The following FOLH1 variants were observed in gnomAD, a reference collection of about 807,000 sequenced individuals.
The protein encoded by FOLH1 is folate hydrolase 1.
FOLH1 carries 54 observed loss-of-function variants against 93.9 expected under a neutral mutation model. That is an observed-to-expected ratio of 0.57 (90% CI 0.46 to 0.72). FOLH1 has a LOEUF of 0.72. Ranked by LOEUF, FOLH1 falls within the 30% of genes least tolerant of loss-of-function variation. FOLH1 has a pLI of 0.00. For missense variants in FOLH1, 571 were observed against 892.5 expected, an observed-to-expected ratio of 0.64 and a Z score of 4.59; for synonymous variants, 249 against 303.6, an observed-to-expected ratio of 0.82 and a Z score of 1.87.
chr11:49,156,901 A>G (rs546724540), intron 14 of FOLH1, 94 bp from the exon 15 acceptor site: 1 of 1,564,528 alleles, frequency 6.4e-7, no homozygotes, highest in South Asian at 1.2e-5. Context: ...TCTTACTATT[A>G]TAAATGTAAT....
rs1314040300 is a variant in FOLH1, at chr11:49,146,698, C to T, written c.*58G>A. 8.9e-5 allele frequency: 134 copies of T among 1,511,510 alleles called. 1 individual carries two copies. The highest frequency in any genetic ancestry group is 1.1e-4 in the South Asian group (8 of 74,994). 93.6% of individuals were successfully genotyped at this position (1,511,510 alleles called of 1,614,324 possible). On this transcript the variant is annotated 3_prime_UTR_variant, in exon 19 of 19. Coordinates refer to ENST00000256999, the MANE Select transcript of FOLH1 (RefSeq NM_004476.3). ...TTAAAATTTATCAATATACCCATTACGATTCTTTCTGAGTGACATACCACA... is the reference window on the plus strand; with the variant it reads ...TTAAAATTTATCAATATACCCATTATGATTCTTTCTGAGTGACATACCACA...
intron 4 of FOLH1, among the ~76,000 whole-genome samples, chr11:49,190,954 C>T (rs1190121247): frequency 3.3e-5 from 5 of 152,120 alleles, no homozygotes; most frequent in Admixed American, 1.3e-4. Flanking sequence ...ATTGAAGAAG[C>T]TGAAGTGTGA....
intron 6 of FOLH1, among the ~76,000 whole-genome samples, chr11:49,184,131 C>T (rs1370939066): frequency 1.3e-5 from 2 of 151,764 alleles, no homozygotes; most frequent in East Asian, 3.9e-4. Flanking sequence ...AACTGCAAAT[C>T]CTTGTTTTTA....
At chr11:49,177,785 TA>T (rs747990555) in intron 7 of FOLH1, among the ~76,000 whole-genome samples, 5,546 of 104,032 alleles carry the variant, frequency 0.053, 121 homozygotes, top group African/African-American at 0.06. Flanking sequence ...CCGTCTCTAC[TA>T]AAAAAAAAAA....
At chr11:49,207,952 C>CAAAACAAAACAAAACA in intron 1 of FOLH1, 1 of 532,926 alleles carries the variant, frequency 1.9e-6, no homozygotes, top group Non-Finnish European at 3.6e-6. Flanking sequence ...AACAAACAAA[C>CAAAACAAAACAAAACA]AAAACAAAAC....
chr11:49,166,289 AGAGGGGTAAAGTT>A, intron 12 of FOLH1, among the ~76,000 whole-genome samples: 1 of 152,354 alleles, frequency 6.6e-6, no homozygotes, highest in South Asian at 2.1e-4. Context: ...TGTAGTGGTT[AGAGGGGTAAAGTT>A]GGAACAGACC....
intron 2 of FOLH1, among the ~76,000 whole-genome samples, 174 bp downstream of exon 2, chr11:49,205,893 A>T (rs995422452): frequency 2.0e-5 from 3 of 152,226 alleles, no homozygotes; most frequent in Non-Finnish European, 4.4e-5. Context: ...AACCTCTGTA[A>T]TGACAAAATT....
chr11:49,155,219 G>A (rs1483035208), intron 15 of FOLH1, among the ~76,000 whole-genome samples: 1 of 152,072 alleles, frequency 6.6e-6, no homozygotes, highest in Non-Finnish European at 1.5e-5. Flanking sequence ...TTGAATCTAG[G>A]CTTCAGGACT....
intron 1 of FOLH1, among the ~76,000 whole-genome samples, chr11:49,207,442 A>G (rs530150781): frequency 3.3e-5 from 5 of 152,352 alleles, no homozygotes; most frequent in Admixed American, 2.6e-4. Context: ...CATCTGGTCC[A>G]TGCCCTGTTC....
Position 49,146,716 on chromosome 11 carries a change from A to C in FOLH1, c.*40T>G. The C allele has an allele frequency of 6.4e-7, 1 of 1,557,268 alleles. No homozygotes were observed. Among genetic ancestry groups the C allele is most frequent in the African/African-American group, 1.4e-5 (1 of 73,042 alleles). The stretch of plus-strand genomic sequence containing the variant: ...CCCATTACGATTCTTTCTGAGTGAC[A>C]TACCACACAAATTCAATACGGATTC... On this transcript the variant is annotated 3_prime_UTR_variant, in exon 19 of 19. Coordinates refer to ENST00000256999, the MANE Select transcript of FOLH1 (RefSeq NM_004476.3).
At chr11:49,164,350 T>C (rs1248184702) in intron 13 of FOLH1, among the ~76,000 whole-genome samples, 1 of 152,228 alleles carries the variant, frequency 6.6e-6, no homozygotes, top group Non-Finnish European at 1.5e-5. Context: ...CTGAAGAGTA[T>C]AAACAAGTTT....
chr11:49,176,940 A>G (rs1860115220), intron 7 of FOLH1, among the ~76,000 whole-genome samples: 1 of 152,180 alleles, frequency 6.6e-6, no homozygotes, highest in Non-Finnish European at 1.5e-5. Context: ...GAGAATTTCA[A>G]TCTGTCCTGT....
intron 7 of FOLH1, among the ~76,000 whole-genome samples, chr11:49,181,788 G>C (rs1860767119): frequency 6.6e-6 from 1 of 152,042 alleles, no homozygotes; most frequent in Admixed American, 6.6e-5. Flanking sequence ...TAGCCCCAAG[G>C]AAGAAAGACC....
intron 12 of FOLH1, among the ~76,000 whole-genome samples, chr11:49,165,181 T>C (rs1858231501): frequency 6.6e-6 from 1 of 152,146 alleles, no homozygotes; most frequent in Non-Finnish European, 1.5e-5. Flanking sequence ...TTTTAGCCAC[T>C]CTCTCTTTTA....
chr11:49,189,392 A>G (rs1276376673), intron 4 of FOLH1, among the ~76,000 whole-genome samples: 3 of 152,218 alleles, frequency 2.0e-5, no homozygotes, highest in African/African-American at 7.2e-5. Context: ...TTAAAATAGA[A>G]TTGTTTCCAA....
At chr11:49,160,007 C>T (rs1423882640) in intron 13 of FOLH1, among the ~76,000 whole-genome samples, 1 of 151,746 alleles carries the variant, frequency 6.6e-6, no homozygotes, top group Non-Finnish European at 1.5e-5. Flanking sequence ...ACTGCAACCT[C>T]GTTCACGCAA....
At chr11:49,148,414 T>A (rs1394341778) in intron 18 of FOLH1, among the ~76,000 whole-genome samples, 1 of 151,582 alleles carries the variant, frequency 6.6e-6, no homozygotes, top group Non-Finnish European at 1.5e-5. Flanking sequence ...TAAAATAAAT[T>A]TATATTCTTT....
At position 49,145,190 on chromosome 11, in the gene FOLH1, G is replaced by T. The variant is rs947962399; in HGVS notation, c.*1566C>A. Among the ~76,000 whole-genome samples, 1 of 152,088 alleles carries T rather than the reference G, an allele frequency of 6.6e-6. No homozygotes were observed. The highest frequency in any genetic ancestry group is 6.6e-5 in the Admixed American group (1 of 15,262). On this transcript the variant is annotated 3_prime_UTR_variant, in exon 19 of 19. Transcript: ENST00000256999. ...CTTGATTGTCTTCATAAATAGATCT[G>T]GGCCCATTAAATAGTTCTTCTTTGT...
chr11:49,167,566 G>C (rs1309748841), intron 12 of FOLH1, among the ~76,000 whole-genome samples: 2 of 152,178 alleles, frequency 1.3e-5, no homozygotes, highest in Non-Finnish European at 2.9e-5. Flanking sequence ...CGTAATCCTA[G>C]CATTTTGGGA....
Sources: gnomAD v4.1 joint callset for allele counts (sites outside exome capture counted in the v4.1 genomes callset) on GRCh38, gnomAD v4.1.1 for gene constraint, MANE v1.5 for transcripts, NCBI Gene and HGNC (gene_info 2026-07-23, HGNC 2026-07-21) for gene names.